The following PRKCA variants were observed in gnomAD, a reference collection of about 807,000 sequenced individuals.
The protein encoded by PRKCA is protein kinase C alpha type.
In PRKCA, 27 loss-of-function variants were observed where a neutral mutation model predicts 87.0. The observed-to-expected ratio is 0.31, with a 90% CI of 0.23 to 0.43. The LOEUF is 0.43. Ranked by LOEUF, PRKCA falls within the 20% of genes least tolerant of loss-of-function variation. The pLI, the probability that PRKCA is intolerant of heterozygous loss-of-function variation, is 1.00. For synonymous variants in PRKCA, 329 were observed against 311.1 expected (o/e 1.06, Z -0.61); for missense variants, 518 against 852.3 (o/e 0.61, Z 4.88).
intron 2 of PRKCA, among the ~76,000 whole-genome samples, chr17:66,320,375 T>TC (rs1905583538): frequency 2.6e-5 from 4 of 151,304 alleles, no homozygotes; most frequent in African/African-American, 9.8e-5. Context: ...TCCAATACTC[T>TC]ATTTTTTTTT....
At chr17:66,434,090 T>C (rs1913241790) in intron 2 of PRKCA, among the ~76,000 whole-genome samples, 2 of 152,036 alleles carry the variant, frequency 1.3e-5, no homozygotes, top group African/African-American at 4.8e-5. Context: ...CTTTCTCTCC[T>C]GCCACACTCT....
chr17:66,389,601 C>T (rs12051710), intron 2 of PRKCA, among the ~76,000 whole-genome samples: 18,795 of 152,254 alleles, frequency 0.12, 1,501 homozygotes, highest in East Asian at 0.28. Context: ...TTGCTGCCAT[C>T]GTTGTCCTGG....
chr17:66,635,186 A>T (rs993656227), intron 3 of PRKCA, among the ~76,000 whole-genome samples: 5 of 152,188 alleles, frequency 3.3e-5, no homozygotes, highest in Non-Finnish European at 7.4e-5. Flanking sequence ...ACCGAAGAGA[A>T]AGATCAGATG....
Position 66,492,731 on chromosome 17 carries a change from C to T in PRKCA, c.206-3470C>T, listed in dbSNP as rs149848609. 2.9e-3 allele frequency among the ~76,000 whole-genome samples: 435 copies of T among 152,338 alleles called. 1 individual carries two copies. Among genetic ancestry groups the T allele is most frequent in the African/African-American group, 0.01 (418 of 41,578 alleles). On this transcript the variant is annotated intron_variant, in intron 2 of 16. Transcript: ENST00000413366. ...CAGATTAATTTGTGCCATCACAGCA[C>T]GGCTTTATTATCCGTCCTTCGAGAG...
intron 5 of PRKCA, among the ~76,000 whole-genome samples, chr17:66,675,457 G>A (rs1241905252): frequency 2.0e-5 from 3 of 152,220 alleles, no homozygotes; most frequent in African/African-American, 7.2e-5. Flanking sequence ...GAATGACCCA[G>A]AGGAAGGCTG....
chr17:66,527,721 C>A (rs781099351), intron 3 of PRKCA, among the ~76,000 whole-genome samples: 1 of 152,178 alleles, frequency 6.6e-6, no homozygotes, highest in South Asian at 2.1e-4. Context: ...GGACTAAAAT[C>A]ACTTTCTTGT....
intron 3 of PRKCA, among the ~76,000 whole-genome samples, chr17:66,576,968 G>A (rs528192158): frequency 2.0e-5 from 3 of 149,452 alleles, no homozygotes; most frequent in East Asian, 2.0e-4. Flanking sequence ...TCCACCTCCC[G>A]GGCTCAGGTG....
chr17:66,460,639 C>A (rs1598691781), intron 2 of PRKCA, among the ~76,000 whole-genome samples: 3 of 152,178 alleles, frequency 2.0e-5, no homozygotes, highest in Admixed American at 6.5e-5. Context: ...GGAGAACCAG[C>A]TGAATTGCAC....
At chr17:66,655,852 C>A (rs189636655) in intron 5 of PRKCA, among the ~76,000 whole-genome samples, 4 of 113,414 alleles carry the variant, frequency 3.5e-5, no homozygotes, top group African/African-American at 1.5e-4. Flanking sequence ...TAACCCAATT[C>A]ATAAAGCCAC....
intron 5 of PRKCA, among the ~76,000 whole-genome samples, chr17:66,653,179 G>A (rs1055051818): frequency 6.6e-6 from 1 of 152,260 alleles, no homozygotes; most frequent in African/African-American, 2.4e-5. Flanking sequence ...GGGATTGGGA[G>A]CCACTAGTGG....
chr17:66,788,387 A>G (rs1016820213), intron 15 of PRKCA, among the ~76,000 whole-genome samples: 4 of 152,068 alleles, frequency 2.6e-5, no homozygotes, highest in South Asian at 2.1e-4. Context: ...TGAGTCTTTG[A>G]TTGATAACAT....
chr17:66,772,900 A>T (rs1461896130), intron 13 of PRKCA, among the ~76,000 whole-genome samples: 3 of 151,998 alleles, frequency 2.0e-5, no homozygotes, highest in Non-Finnish European at 4.4e-5. Context: ...TTAATTTAAG[A>T]TATGTCAGTT....
intron 8 of PRKCA, among the ~76,000 whole-genome samples, chr17:66,731,810 A>T (rs1973902729): frequency 9.6e-6 from 1 of 103,896 alleles, no homozygotes; most frequent in Non-Finnish European, 1.8e-5. Flanking sequence ...TTTGAGACAG[A>T]GTCTTGCTCT....
At chr17:66,697,575 A>G (rs1598881378) in intron 8 of PRKCA, among the ~76,000 whole-genome samples, 1 of 152,258 alleles carries the variant, frequency 6.6e-6, no homozygotes, top group Admixed American at 6.5e-5. Flanking sequence ...GTAAGTAAGC[A>G]CCCAGCTCCC....
chr17:66,484,922 T>A (rs1300070899), intron 2 of PRKCA, among the ~76,000 whole-genome samples: 1 of 151,180 alleles, frequency 6.6e-6, no homozygotes, highest in Non-Finnish European at 1.5e-5. Context: ...TACTTAATGA[T>A]AAGTATTAGG....
chr17:66,687,385 A>G (rs1204478231), intron 6 of PRKCA, 118 bp downstream of exon 6: 8 of 1,110,436 alleles, frequency 7.2e-6, no homozygotes, highest in African/African-American at 4.7e-5. Flanking sequence ...CTTCAGTCCT[A>G]AGACCTCCTC....
At chr17:66,377,698 G>A (rs1432864362) in intron 2 of PRKCA, among the ~76,000 whole-genome samples, 1 of 86,038 alleles carries the variant, frequency 1.2e-5, no homozygotes, top group South Asian at 3.8e-4. Flanking sequence ...TAAAGTCTAT[G>A]TTTTATATAT....
rs943128501 is a variant in PRKCA at position 66,302,708 on chromosome 17, C to G, written c.-144C>G. 3.9e-4 allele frequency: 148 copies of G among 382,112 alleles called. 1 individual carries two copies. The highest frequency in any genetic ancestry group is 3.2e-3 in the African/African-American group (145 of 45,150). 23.7% of individuals were successfully genotyped at this position (382,112 alleles called of 1,614,324 possible). On this transcript the variant is annotated 5_prime_UTR_variant, in exon 1 of 17. Transcript: ENST00000413366. ...CCGACTCTCCCCGGCCCCCGCCGCG[C>G]CCCCTCGCCGCGACCTCGGCCACCG...
intron 8 of PRKCA, among the ~76,000 whole-genome samples, chr17:66,696,047 C>G (rs1972911490): frequency 6.6e-6 from 1 of 152,180 alleles, no homozygotes; most frequent in African/African-American, 2.4e-5. Context: ...CTGTCCCTTC[C>G]TGGGGAGCAA....
Sources: allele counts gnomAD v4.1 joint callset (sites outside exome capture counted in the v4.1 genomes callset), GRCh38; gene constraint gnomAD v4.1.1; transcripts MANE v1.5; gene names NCBI Gene and HGNC (gene_info 2026-07-23, HGNC 2026-07-21).